The following PWWP3A variants were observed in gnomAD, a reference collection of about 807,000 sequenced individuals.
PWWP3A encodes PWWP domain-containing DNA repair factor 3A.
PWWP3A carries 53 observed loss-of-function variants against 79.0 expected under a neutral mutation model. The observed-to-expected ratio is 0.67, with a 90% CI of 0.54 to 0.84. The LOEUF (loss-of-function observed/expected upper bound fraction) is 0.84. Ranked by LOEUF, PWWP3A falls within the 40% of genes least tolerant of loss-of-function variation. PWWP3A has a pLI of 0.00. For synonymous variants in PWWP3A, 443 were observed against 394.4 expected (o/e 1.12, Z -1.46); for missense variants, 973 against 948.0 (o/e 1.03, Z -0.35).
rs765075259 is a variant in PWWP3A at position 1,360,769 on chromosome 19, C to T, written c.848C>T (p.Pro283Leu). The T allele has an allele frequency of 1.9e-5, 31 of 1,610,850 alleles. No individual in the cohort carries two copies. The highest frequency in any genetic ancestry group is 2.5e-5 in the Non-Finnish European group (29 of 1,178,786). Residue 283 changes from proline (P) to leucine (L), a missense_variant, in exon 5 of 14, where the codon CCC becomes CTC. Pro to Leu is a moderately conservative substitution (Grantham distance 98). Coordinates refer to ENST00000591337, the MANE Select transcript of PWWP3A (RefSeq NM_001369789.1). This position sits in a 1 kb window ranked among gnomAD's most constrained non-coding sequence, Gnocchi z 4.4. ...CTGCCGTTGGGCAGCCTCACTGCGC[C>T]CCCAGCCCCTGAGCCCTCGGCCTGC... ...PGLPLGSLTA[P>L]PAPEPSACSE...
chr19:1,373,118 C>T lies in PWWP3A; in HGVS notation c.2033C>T (p.Thr678Met), dbSNP rs571322268. The T allele has an allele frequency of 3.2e-5, 52 of 1,614,226 alleles. No homozygotes were observed. In the South Asian group the frequency reaches 3.3e-4, roughly 10 times the overall value. Reference protein sequence around the residue: ...ISAVDEVDYKTAEEKYIKGPS... With the variant: ...ISAVDEVDYKMAEEKYIKGPS... ...GCGGTGGACGAGGTGGACTACAAGA[C>T]GGCTGAGGAGAAGTACATCAAGGGG... Residue 678 changes from threonine (T) to methionine (M), a missense_variant, in exon 13 of 14, where the codon ACG becomes ATG. Coordinates refer to ENST00000591337, the MANE Select transcript of PWWP3A (RefSeq NM_001369789.1).
Position 1,368,488 on chromosome 19 carries a change from C to T in PWWP3A, c.1423-777C>T, listed in dbSNP as rs903034311. Among the ~76,000 whole-genome samples, 4 of 152,124 alleles carry T rather than the reference C, an allele frequency of 2.6e-5. No individual in the cohort carries two copies. Among genetic ancestry groups the T allele is most frequent in the Non-Finnish European group, 5.9e-5 (4 of 68,028 alleles). On this transcript the variant is annotated intron_variant, in intron 9 of 13. Transcript: ENST00000591337. This position sits in a 1 kb window ranked among gnomAD's most constrained non-coding sequence, Gnocchi z 4.7. ...GGGGAAGCCGTGCTTTAGGAAAGTG[C>T]GGGGGCTGCTGGGCAGGCAGAGAGC... is the stretch of plus-strand genomic sequence containing the variant.
chr19:1,375,720 G>A (rs1302069521), intron 13 of PWWP3A, among the ~76,000 whole-genome samples: 9 of 133,270 alleles, frequency 6.8e-5, no homozygotes, highest in African/African-American at 2.0e-4. Flanking sequence ...TATATATAAA[G>A]TATGTATACT....
At chr19:1,366,050 C>A (rs928952051) in intron 7 of PWWP3A, among the ~76,000 whole-genome samples, 1 of 152,222 alleles carries the variant, frequency 6.6e-6, no homozygotes, top group Non-Finnish European at 1.5e-5. Flanking sequence ...CAGCTGGCAG[C>A]GGTAGCTGTG....
In PWWP3A at chr19:1,370,838, C is replaced by T. The variant is rs758753340; in HGVS notation, c.1746C>T (p.Ala582=). Residue 582 remains alanine, a synonymous_variant, in exon 12 of 14, where the codon GCC becomes GCT. Coordinates refer to ENST00000591337, the MANE Select transcript of PWWP3A (RefSeq NM_001369789.1). ...NQKLVEYIVK[A]KGAESHLRAI... The stretch of plus-strand genomic sequence containing the variant: ...AGCTGGTGGAGTACATTGTGAAGGC[C>T]AAGGGCGCGGAGAGCCACCTGCGGG... The T allele has an allele frequency of 6.4e-7, 1 of 1,571,764 alleles. No homozygotes were observed. Among genetic ancestry groups the T allele is most frequent in the Non-Finnish European group, 8.6e-7 (1 of 1,158,548 alleles).
In PWWP3A at chr19:1,378,355, G is replaced by C. The variant is rs562320319; in HGVS notation, c.*1779G>C. On this transcript the variant is annotated 3_prime_UTR_variant, in exon 14 of 14. Transcript: ENST00000591337. ...CCTGATGGAACTTTTCTGCTGTTGT[G>C]AAGTACTTTTATCCATTTGCTTCTC... 7.9e-5 allele frequency: 12 copies of C among 152,308 alleles called. No individual in the cohort carries two copies. The highest frequency in any genetic ancestry group is 2.7e-4 in the African/African-American group (11 of 41,456). The allele number at this position is 152,308 out of a possible 1,614,324, so 9.4% of individuals were successfully genotyped here.
chr19:1,371,583 G>C, intron 12 of PWWP3A: 2 of 603,254 alleles, frequency 3.3e-6, no homozygotes, highest in Non-Finnish European at 5.9e-6. Flanking sequence ...TTTGGGGCTT[G>C]GTGAGGAGCA....
chr19:1,363,276 T>G (rs1224605536), intron 6 of PWWP3A, among the ~76,000 whole-genome samples: 1 of 152,202 alleles, frequency 6.6e-6, no homozygotes, highest in Non-Finnish European at 1.5e-5. Flanking sequence ...CAGTCTCACA[T>G]TTTCCCTTTT....
At chr19:1,356,252 C>A in intron 1 of PWWP3A, 72 bp from the exon 2 acceptor site, 1 of 784,820 alleles carries the variant, frequency 1.3e-6, no homozygotes, top group Non-Finnish European at 2.2e-6. Context: ...TAACCTTTGC[C>A]CCTGAGGGCT....
rs2081993632 is a variant in PWWP3A, at chr19:1,360,743, T to C, written c.822T>C (p.Gly274=). The change falls in exon 5 of 14, where the codon GGT becomes GGC. Residue 274 remains glycine, a synonymous_variant. Transcript: ENST00000591337. This position sits in a 1 kb window ranked among gnomAD's most constrained non-coding sequence, Gnocchi z 4.4. ...PCANAEGHDP[G]LPLGSLTAPP... ...CCAACGCTGAGGGACACGACCCCGG[T>C]CTGCCGTTGGGCAGCCTCACTGCGC... The C allele has an allele frequency of 5.6e-6, 9 of 1,612,574 alleles. No homozygotes were observed. In the African/African-American group the frequency reaches 1.2e-4, roughly 21 times the overall value.
Position 1,356,305 on chromosome 19 carries a change from C to A in PWWP3A, c.-69-19C>A. 7.7e-7 allele frequency: 1 copy of A among 1,300,876 alleles called. No individual in the cohort carries two copies. Among genetic ancestry groups the A allele is most frequent in the Non-Finnish European group, 1.1e-6 (1 of 897,280 alleles). 80.6% of individuals were successfully genotyped at this position (1,300,876 alleles called of 1,614,324 possible). A position where few individuals can be genotyped will look rare whatever the true frequency, so the allele number is the denominator to read the frequency against. ...GCCAGCAAACAGTTGTATAAACCAC[C>A]GTGCAAATTTCGTTCCAGGACACAT... On this transcript the variant is annotated intron_variant, in intron 1 of 13. Transcript: ENST00000591337.
At chr19:1,372,951 C>T in intron 12 of PWWP3A, 121 bp from the exon 13 acceptor site, 1 of 726,014 alleles carries the variant, frequency 1.4e-6, no homozygotes, top group Non-Finnish European at 2.4e-6. Flanking sequence ...GAACCATGAG[C>T]TAGACCATGT....
intron 6 of PWWP3A, among the ~76,000 whole-genome samples, 189 bp downstream of exon 6, chr19:1,362,540 C>G (rs545083492): frequency 5.6e-4 from 85 of 152,340 alleles, no homozygotes; most frequent in African/African-American, 2.0e-3. Flanking sequence ...TTAAGAATAA[C>G]CTACACAAAG....
At chr19:1,363,045 G>C (rs2082054062) in intron 6 of PWWP3A, among the ~76,000 whole-genome samples, 2 of 152,176 alleles carry the variant, frequency 1.3e-5, no homozygotes, top group African/African-American at 4.8e-5. Context: ...AGATTCACAG[G>C]ATGTTGCAAA....
intron 6 of PWWP3A, chr19:1,364,270 G>C: frequency 1.5e-6 from 1 of 661,830 alleles, no homozygotes; most frequent in Non-Finnish European, 2.8e-6. Context: ...TGGGAACCCA[G>C]TGCAGCACCC....
intron 4 of PWWP3A, chr19:1,359,422 G>C (rs940795180): frequency 1.3e-4 from 19 of 150,544 alleles, no homozygotes; most frequent in African/African-American, 4.7e-4. Context: ...TTGTGTTGGG[G>C]GGCTGGTTGT....
chr19:1,376,218 C>G (rs999024620), intron 13 of PWWP3A, among the ~76,000 whole-genome samples: 1 of 149,076 alleles, frequency 6.7e-6, no homozygotes, highest in African/African-American at 2.5e-5. Context: ...CACCACCTCC[C>G]GGTTTCAAGC....
rs139601913 is a variant in PWWP3A at position 1,360,278 on chromosome 19, G to A, written c.357G>A (p.Leu119=). The A allele has an allele frequency of 1.9e-6, 3 of 1,614,058 alleles. No homozygotes were observed. Among genetic ancestry groups the A allele is most frequent in the South Asian group, 1.1e-5 (1 of 91,056 alleles). ...SAGTGRADRS[L]RGKPMEHVSS... Reference sequence around the variant, plus strand: ...GGACAGGTAGAGCTGACCGGTCTCTGCGAGGGAAGCCCATGGAGCATGTCT... The same window carrying A: ...GGACAGGTAGAGCTGACCGGTCTCTACGAGGGAAGCCCATGGAGCATGTCT... The change falls in exon 5 of 14, where the codon CTG becomes CTA. Residue 119 remains leucine, a synonymous_variant. Coordinates refer to ENST00000591337, the MANE Select transcript of PWWP3A (RefSeq NM_001369789.1). The surrounding 1 kb of genome is among the most constrained non-coding windows in gnomAD (Gnocchi z 4.4).
intron 13 of PWWP3A, 104 bp downstream of exon 13, chr19:1,373,264 C>T (rs969507639): frequency 9.9e-7 from 1 of 1,006,416 alleles, no homozygotes; most frequent in African/African-American, 1.6e-5. Flanking sequence ...CAGCCCCTCT[C>T]CCTCATGAGG....
Sources: allele counts gnomAD v4.1 joint callset (sites outside exome capture counted in the v4.1 genomes callset), GRCh38; gene constraint gnomAD v4.1.1; non-coding constraint Gnocchi (gnomAD v3.1); transcripts MANE v1.5; gene names NCBI Gene and HGNC (gene_info 2026-07-23, HGNC 2026-07-21).